Variants in MAGI2 observed in about 807,000 individuals in gnomAD.
MAGI2 encodes membrane-associated guanylate kinase, WW and PDZ domain-containing protein 2.
In MAGI2, 35 loss-of-function variants were observed where a neutral mutation model predicts 133.3. The ratio of observed to expected loss-of-function variants is 0.26; its 90% CI spans 0.20 to 0.35. MAGI2 has a LOEUF of 0.35. Ranked by LOEUF, MAGI2 falls within the 10% of genes least tolerant of loss-of-function variation. The pLI is 1.00. For missense variants in MAGI2, 1,636 were observed against 1,863.4 expected, an observed-to-expected ratio of 0.88 and a Z score of 2.25; for synonymous variants, 729 against 710.6, an observed-to-expected ratio of 1.03 and a Z score of -0.41.
At chr7:78,536,306 G>T (rs920988439) in intron 3 of MAGI2, among the ~76,000 whole-genome samples, 1 of 150,546 alleles carries the variant, frequency 6.6e-6, no homozygotes, top group Non-Finnish European at 1.5e-5. Flanking sequence ...TAGAGACGGG[G>T]TTTCACCGTT....
chr7:79,377,954 A>G (rs2129139929), intron 1 of MAGI2, among the ~76,000 whole-genome samples: 1 of 151,974 alleles, frequency 6.6e-6, no homozygotes, highest in East Asian at 1.9e-4. Flanking sequence ...TGTGTGTCAA[A>G]AAATACAGTT....
At chr7:78,377,043 C>A (rs1190146809) in intron 6 of MAGI2, among the ~76,000 whole-genome samples, 1 of 152,128 alleles carries the variant, frequency 6.6e-6, no homozygotes, top group Non-Finnish European at 1.5e-5. Context: ...ACCCATCCAA[C>A]TATTTATCAT....
chr7:79,293,555 A>T (rs1400319930), intron 1 of MAGI2, among the ~76,000 whole-genome samples: 1 of 151,870 alleles, frequency 6.6e-6, no homozygotes, highest in Non-Finnish European at 1.5e-5. Context: ...ATGGTAGATA[A>T]TATTTGTCTG....
chr7:78,153,145 A>G (rs1263239474), intron 16 of MAGI2, among the ~76,000 whole-genome samples: 20 of 152,254 alleles, frequency 1.3e-4, no homozygotes, highest in Non-Finnish European at 2.9e-5. Context: ...CACCAGTTGC[A>G]TCTATTACCT....
chr7:78,115,011 G>A (rs761591325), intron 20 of MAGI2, among the ~76,000 whole-genome samples: 1 of 152,180 alleles, frequency 6.6e-6, no homozygotes, highest in African/African-American at 2.4e-5. Flanking sequence ...TGCTGTTTAT[G>A]GCAATATGGT....
At chr7:79,056,393 T>C (rs577879662) in intron 1 of MAGI2, among the ~76,000 whole-genome samples, 8 of 152,184 alleles carry the variant, frequency 5.3e-5, no homozygotes, top group Non-Finnish European at 1.2e-4. Context: ...TTGTAGTGAA[T>C]AAGTTCATAG....
At chr7:78,586,128 G>A (rs113700029) in intron 3 of MAGI2, among the ~76,000 whole-genome samples, 3,191 of 152,304 alleles carry the variant, frequency 0.021, 45 homozygotes, top group Middle Eastern at 0.041. Flanking sequence ...AATGGGAATA[G>A]CGTAGCGTGC....
intron 1 of MAGI2, among the ~76,000 whole-genome samples, chr7:79,420,154 CA>C (rs1846846461): frequency 6.6e-6 from 1 of 152,032 alleles, no homozygotes; most frequent in East Asian, 1.9e-4. Flanking sequence ...TCCTGGAAAG[CA>C]GAGTAAAATA....
intron 2 of MAGI2, among the ~76,000 whole-genome samples, chr7:78,752,070 A>T (rs1269197522): frequency 6.6e-6 from 1 of 152,156 alleles, no homozygotes; most frequent in Non-Finnish European, 1.5e-5. Flanking sequence ...GGCTTGTGTT[A>T]TGTTCTTTTG....
chr7:78,164,738 T>G (rs12668218), intron 15 of MAGI2, among the ~76,000 whole-genome samples: 1 of 152,276 alleles, frequency 6.6e-6, no homozygotes, highest in Admixed American at 6.5e-5. Flanking sequence ...GCTTTAAGAC[T>G]GACTCTAACA....
intron 9 of MAGI2, among the ~76,000 whole-genome samples, chr7:78,279,109 G>A (rs1795314255): frequency 6.6e-6 from 1 of 152,076 alleles, no homozygotes; most frequent in Non-Finnish European, 1.5e-5. Flanking sequence ...TTTACTAGTT[G>A]GTTTTTAGTC....
chr7:78,402,387 T>C (rs1468971957), intron 6 of MAGI2, among the ~76,000 whole-genome samples: 1 of 151,780 alleles, frequency 6.6e-6, no homozygotes, highest in East Asian at 1.9e-4. Context: ...GGTGTGTGTG[T>C]GTGTGTGTCC....
At chr7:78,375,875 T>C (rs1256267600) in intron 6 of MAGI2, among the ~76,000 whole-genome samples, 1 of 152,136 alleles carries the variant, frequency 6.6e-6, no homozygotes, top group African/African-American at 2.4e-5. Flanking sequence ...GTTTAAAATA[T>C]GAAATATGTT....
chr7:78,143,116 G>C (rs1035458139), intron 16 of MAGI2, among the ~76,000 whole-genome samples: 1 of 152,188 alleles, frequency 6.6e-6, no homozygotes, highest in Non-Finnish European at 1.5e-5. Flanking sequence ...TCAAGGGGTG[G>C]AAGGTGAAAT....
chr7:78,893,813 G>T (rs568147500), intron 2 of MAGI2, among the ~76,000 whole-genome samples: 2 of 151,974 alleles, frequency 1.3e-5, no homozygotes, highest in African/African-American at 4.8e-5. Context: ...CCAACATGGC[G>T]CATATATACA....
chr7:79,019,712 T>G (rs1809096446), intron 1 of MAGI2, among the ~76,000 whole-genome samples: 1 of 152,066 alleles, frequency 6.6e-6, no homozygotes, highest in African/African-American at 2.4e-5. Context: ...GCCTGGCTAA[T>G]TTTTGTATTT....
intron 16 of MAGI2, among the ~76,000 whole-genome samples, chr7:78,157,520 T>TAC (rs1400726400): frequency 2.7e-5 from 4 of 149,274 alleles, no homozygotes; most frequent in Non-Finnish European, 4.5e-5. Context: ...CATGTACACA[T>TAC]ACATACACAC....
At chr7:78,883,092 A>G (rs1291940786) in intron 2 of MAGI2, among the ~76,000 whole-genome samples, 1 of 152,130 alleles carries the variant, frequency 6.6e-6, no homozygotes, top group East Asian at 1.9e-4. Flanking sequence ...ATACAACTCT[A>G]TATGTAGAAA....
chr7:79,407,414 C>A (rs1845879447), intron 1 of MAGI2, among the ~76,000 whole-genome samples: 1 of 152,148 alleles, frequency 6.6e-6, no homozygotes, highest in Non-Finnish European at 1.5e-5. Context: ...TTTTCCCTTT[C>A]TAGCATCCAG....
Sources: gnomAD v4.1 joint callset for allele counts (sites outside exome capture counted in the v4.1 genomes callset) on GRCh38, gnomAD v4.1.1 for gene constraint, MANE v1.5 for transcripts, NCBI Gene and HGNC (gene_info 2026-07-23, HGNC 2026-07-21) for gene names.